STK3: variants seen among roughly 807,000 people sequenced by gnomAD.
STK3 encodes the protein serine/threonine kinase 3, also known as serine/threonine-protein kinase 3.
STK3 carries 41 observed loss-of-function variants against 58.0 expected under a neutral mutation model. That is an observed-to-expected ratio of 0.71 (90% CI 0.55 to 0.92). The LOEUF is 0.92. Ranked by LOEUF, STK3 falls within the 40% of genes least tolerant of loss-of-function variation. The pLI, the probability that STK3 is intolerant of heterozygous loss-of-function variation, is 0.00. For synonymous variants in STK3, 170 were observed against 191.0 expected, an observed-to-expected ratio of 0.89 and a Z score of 0.91; for missense variants, 479 against 602.7, an observed-to-expected ratio of 0.79 and a Z score of 2.15.
chr8:98,640,156 T>C (rs780200795), intron 6 of STK3, among the ~76,000 whole-genome samples: 110 of 152,028 alleles, frequency 7.2e-4, no homozygotes, highest in Non-Finnish European at 1.0e-3. Flanking sequence ...TGGACTCAAG[T>C]GATTCTCCCA....
At chr8:98,934,066 AT>A (rs1007107707) in intron 1 of STK3, among the ~76,000 whole-genome samples, 7 of 152,032 alleles carry the variant, frequency 4.6e-5, no homozygotes, top group African/African-American at 1.4e-4. Context: ...CAAGCTGCAC[AT>A]TTTTTTCTGC....
intron 4 of STK3, among the ~76,000 whole-genome samples, chr8:98,730,585 G>T (rs1406021871): frequency 6.6e-6 from 1 of 151,858 alleles, no homozygotes; most frequent in Non-Finnish European, 1.5e-5. Flanking sequence ...GCATAGTGGT[G>T]CATGCCTGTA....
chr8:98,831,060 A>G (rs1408390707), intron 3 of STK3, among the ~76,000 whole-genome samples: 2 of 152,002 alleles, frequency 1.3e-5, no homozygotes, highest in African/African-American at 4.8e-5. Context: ...ATACACTTTA[A>G]TTATACTAGC....
chr8:98,736,056 T>C (rs1300618912), intron 4 of STK3, among the ~76,000 whole-genome samples: 7 of 151,798 alleles, frequency 4.6e-5, no homozygotes, highest in Non-Finnish European at 7.4e-5. Context: ...AAAAAGAACA[T>C]GAAACAGCCA....
At chr8:98,711,279 GAC>G (rs1192737204) in intron 4 of STK3, among the ~76,000 whole-genome samples, 2 of 152,208 alleles carry the variant, frequency 1.3e-5, no homozygotes, top group Admixed American at 1.3e-4. Flanking sequence ...AACAAAGCTA[GAC>G]AGAGAGTGAC....
intron 3 of STK3, chr8:98,429,884 G>C (rs1818304890): frequency 5.9e-6 from 1 of 168,908 alleles, no homozygotes; most frequent in African/African-American, 2.4e-5. Context: ...ACAGTCATGT[G>C]AAAACAAAAT....
At chr8:98,665,967 T>A (rs1406978053) in intron 6 of STK3, among the ~76,000 whole-genome samples, 1 of 152,236 alleles carries the variant, frequency 6.6e-6, no homozygotes, top group East Asian at 1.9e-4. Context: ...CCTGCCAAAG[T>A]GCTGGGATTA....
At chr8:98,865,194 C>A (rs1837089174) in intron 3 of STK3, among the ~76,000 whole-genome samples, 1 of 152,128 alleles carries the variant, frequency 6.6e-6, no homozygotes, top group South Asian at 2.1e-4. Context: ...AGTTCAGGAC[C>A]AGACAGGGCA....
At chr8:98,380,190 T>C (rs544275640) in intron 1 of STK3, among the ~76,000 whole-genome samples, 25 of 152,258 alleles carry the variant, frequency 1.6e-4, no homozygotes, top group African/African-American at 5.8e-4. Flanking sequence ...AGGTGTAAGT[T>C]TTCAGTTAAG....
intron 6 of STK3, among the ~76,000 whole-genome samples, chr8:98,620,507 T>G (rs1587050810): frequency 7.4e-6 from 1 of 135,790 alleles, no homozygotes; most frequent in East Asian, 2.2e-4. Context: ...AATAAAAAGG[T>G]CAACATCAAA....
chr8:98,739,889 GA>G (rs1324321580), intron 4 of STK3, among the ~76,000 whole-genome samples: 1 of 150,398 alleles, frequency 6.6e-6, no homozygotes, highest in Non-Finnish European at 1.5e-5. Flanking sequence ...CCAATACAGA[GA>G]AGTGCTTAAA....
intron 3 of STK3, among the ~76,000 whole-genome samples, chr8:98,425,147 C>T (rs1244155325): frequency 6.6e-6 from 1 of 152,208 alleles, no homozygotes. Flanking sequence ...ACAGCACCCC[C>T]ATGGGGATGA....
intron 1 of STK3, among the ~76,000 whole-genome samples, chr8:98,912,056 G>A (rs1292591392): frequency 6.6e-6 from 1 of 152,146 alleles, no homozygotes; most frequent in Non-Finnish European, 1.5e-5. Context: ...CTGAGAGATA[G>A]ACACAAGAGT....
At chr8:98,670,851 A>C (rs1382228963) in intron 6 of STK3, among the ~76,000 whole-genome samples, 1 of 152,162 alleles carries the variant, frequency 6.6e-6, no homozygotes, top group Admixed American at 6.5e-5. Flanking sequence ...CTCTGTCCTC[A>C]TCACCCTTCA....
At chr8:98,379,358 T>G (rs1817708948) in intron 1 of STK3, among the ~76,000 whole-genome samples, 1 of 152,250 alleles carries the variant, frequency 6.6e-6, no homozygotes, top group South Asian at 2.1e-4. Context: ...AATAATTAGC[T>G]TAAAACAATT....
chr8:98,768,749 C>T (rs917627186), intron 2 of STK3, among the ~76,000 whole-genome samples: 1 of 152,190 alleles, frequency 6.6e-6, no homozygotes, highest in African/African-American at 2.4e-5. Context: ...TGAATGGTTC[C>T]TCATTAAAAG....
At chr8:98,439,045 T>C (rs1818598383) in intron 1 of STK3, 1 of 152,230 alleles carries the variant, frequency 6.6e-6, no homozygotes, top group Non-Finnish European at 1.5e-5. Context: ...TAAATTCTGC[T>C]TTCTGCCAGC....
intron 6 of STK3, among the ~76,000 whole-genome samples, chr8:98,613,618 A>T (rs1192795286): frequency 2.0e-5 from 3 of 151,912 alleles, no homozygotes; most frequent in South Asian, 2.1e-4. Context: ...GAAAACTCTT[A>T]AAAAAAATCA....
intron 10 of STK3, among the ~76,000 whole-genome samples, chr8:98,491,028 A>T (rs1822642355): frequency 6.6e-6 from 1 of 152,154 alleles, no homozygotes; most frequent in Non-Finnish European, 1.5e-5. Flanking sequence ...TTTTTCACAT[A>T]CAAAAGTGGA....
Sources: gnomAD v4.1 joint callset for allele counts (sites outside exome capture counted in the v4.1 genomes callset) on GRCh38, gnomAD v4.1.1 for gene constraint, MANE v1.5 for transcripts, NCBI Gene and HGNC (gene_info 2026-07-23, HGNC 2026-07-21) for gene names.